XYLT1: variants seen among roughly 807,000 people sequenced by gnomAD.
XYLT1 encodes beta-D-xylosyltransferase 1.
XYLT1 carries 36 observed loss-of-function variants against 91.3 expected under a neutral mutation model. The observed-to-expected ratio is 0.39, with a 90% CI of 0.30 to 0.52. The LOEUF (loss-of-function observed/expected upper bound fraction) is 0.52. Ranked by LOEUF, XYLT1 falls within the 20% of genes least tolerant of loss-of-function variation. The pLI, the probability that XYLT1 is intolerant of heterozygous loss-of-function variation, is 0.68. For missense variants in XYLT1, 1,242 were observed against 1,284.5 expected (o/e 0.97, Z 0.51); for synonymous variants, 588 against 532.0 (o/e 1.11, Z -1.45).
chr16:17,215,226 G>A (rs1299621518), intron 3 of XYLT1, among the ~76,000 whole-genome samples: 2 of 152,144 alleles, frequency 1.3e-5, no homozygotes, highest in Non-Finnish European at 1.5e-5. Context: ...CATGGTGGTA[G>A]GCACCTGTAA....
chr16:17,308,853 T>C (rs962290351), intron 2 of XYLT1, among the ~76,000 whole-genome samples: 2 of 152,166 alleles, frequency 1.3e-5, no homozygotes, highest in Non-Finnish European at 2.9e-5. Flanking sequence ...TCTCCTCTAA[T>C]TGTCATGAGG....
chr16:17,395,676 C>A (rs895366751), intron 1 of XYLT1, among the ~76,000 whole-genome samples: 3 of 152,190 alleles, frequency 2.0e-5, no homozygotes, highest in Non-Finnish European at 4.4e-5. Context: ...TAAACTGAAG[C>A]CAAACTTCTA....
intron 3 of XYLT1, among the ~76,000 whole-genome samples, chr16:17,257,301 G>A (rs2033648577): frequency 6.6e-6 from 1 of 152,128 alleles, no homozygotes; most frequent in Non-Finnish European, 1.5e-5. Context: ...TAGGCCCTGA[G>A]AGCAGAAAGG....
intron 1 of XYLT1, among the ~76,000 whole-genome samples, chr16:17,455,048 A>G (rs2036722485): frequency 6.6e-6 from 1 of 151,910 alleles, no homozygotes; most frequent in African/African-American, 2.4e-5. Flanking sequence ...CCCAGACGCA[A>G]TGTTAACCAA....
intron 1 of XYLT1, among the ~76,000 whole-genome samples, chr16:17,405,203 G>C (rs1034576443): frequency 7.2e-5 from 11 of 152,192 alleles, no homozygotes; most frequent in Non-Finnish European, 1.5e-4. Context: ...TCTGCCCCAG[G>C]CAGCAGCACA....
At chr16:17,237,153 G>A (rs1567335969) in intron 3 of XYLT1, among the ~76,000 whole-genome samples, 1 of 152,300 alleles carries the variant, frequency 6.6e-6, no homozygotes, top group South Asian at 2.1e-4. Flanking sequence ...AATATACGAA[G>A]TTTGGTGCTT....
chr16:17,161,750 A>G (rs1252067137), intron 5 of XYLT1, among the ~76,000 whole-genome samples: 3 of 151,124 alleles, frequency 2.0e-5, no homozygotes, highest in South Asian at 2.1e-4. Flanking sequence ...TCATTTGCCA[A>G]ATGGTTCCCA....
chr16:17,125,074 T>C (rs982933236), intron 10 of XYLT1, among the ~76,000 whole-genome samples: 5 of 152,358 alleles, frequency 3.3e-5, no homozygotes, highest in Non-Finnish European at 5.9e-5. Context: ...ACTTCTTAAT[T>C]GTTTTTCTGG....
intron 1 of XYLT1, among the ~76,000 whole-genome samples, chr16:17,428,354 G>A (rs546416647): frequency 3.9e-5 from 6 of 152,276 alleles, no homozygotes; most frequent in Non-Finnish European, 7.4e-5. Context: ...TCTGGCGGCA[G>A]AGCTTACACC....
At chr16:17,384,288 G>A (rs931681167) in intron 1 of XYLT1, among the ~76,000 whole-genome samples, 2 of 151,634 alleles carry the variant, frequency 1.3e-5, no homozygotes, top group Non-Finnish European at 2.9e-5. Flanking sequence ...TAAGTAGGTG[G>A]TTTTGCCAAT....
intron 5 of XYLT1, among the ~76,000 whole-genome samples, chr16:17,186,102 TTTTTTA>T (rs1447246364): frequency 6.6e-6 from 1 of 152,168 alleles, no homozygotes; most frequent in African/African-American, 2.4e-5. Flanking sequence ...TCTAGATTTC[TTTTTTA>T]TTTTTATTTT....
chr16:17,185,300 A>G (rs2032159826), intron 5 of XYLT1, among the ~76,000 whole-genome samples: 1 of 152,272 alleles, frequency 6.6e-6, no homozygotes. Context: ...TGTTAACGGC[A>G]TAATTACTGG....
intron 2 of XYLT1, among the ~76,000 whole-genome samples, chr16:17,299,745 T>C (rs1481369668): frequency 1.3e-5 from 2 of 152,164 alleles, no homozygotes; most frequent in African/African-American, 4.8e-5. Context: ...ATAGCTCTTA[T>C]ATAATGAAGG....
chr16:17,115,446 T>C (rs1450893684), intron 11 of XYLT1, among the ~76,000 whole-genome samples: 2 of 150,682 alleles, frequency 1.3e-5, no homozygotes, highest in African/African-American at 2.4e-5. Context: ...ATTGCATGAC[T>C]GCACTCCAGC....
intron 1 of XYLT1, among the ~76,000 whole-genome samples, chr16:17,463,006 G>A (rs776052184): frequency 4.6e-5 from 7 of 152,034 alleles, no homozygotes; most frequent in Non-Finnish European, 7.4e-5. Flanking sequence ...TGGAAAAACG[G>A]GATAGCCATT....
At chr16:17,185,828 T>C (rs1291836045) in intron 5 of XYLT1, among the ~76,000 whole-genome samples, 1 of 152,068 alleles carries the variant, frequency 6.6e-6, no homozygotes, top group African/African-American at 2.4e-5. Context: ...AGGTGAAACC[T>C]TGTCTCTACT....
intron 1 of XYLT1, among the ~76,000 whole-genome samples, chr16:17,390,856 C>T (rs1366824376): frequency 1.3e-5 from 2 of 151,972 alleles, no homozygotes; most frequent in African/African-American, 2.4e-5. Context: ...GGCAACATGA[C>T]GAAACTCCCG....
intron 3 of XYLT1, among the ~76,000 whole-genome samples, chr16:17,246,640 G>C (rs1261983302): frequency 1.3e-5 from 2 of 152,136 alleles, no homozygotes; most frequent in African/African-American, 4.8e-5. Flanking sequence ...CCCTTCTCCA[G>C]GGCTGTGCAG....
In XYLT1 at chr16:17,178,713, C is replaced by T. The variant is rs147167302; in HGVS notation, c.1289+19499G>A. Among the ~76,000 whole-genome samples the T allele has an allele frequency of 7.5e-3, 1,139 of 152,280 alleles. 12 individuals are homozygous for T. Among genetic ancestry groups the T allele is most frequent in the Non-Finnish European group, 0.01 (696 of 68,036 alleles). ...CCTTAGTATTACAACAGCAGAGTTT[C>T]GTCATCCTGAGAGACATATATGTAC... On this transcript the variant is annotated intron_variant, in intron 5 of 11. Coordinates refer to ENST00000261381, the MANE Select transcript of XYLT1 (RefSeq NM_022166.4).
Sources: gnomAD v4.1 joint callset for allele counts (sites outside exome capture counted in the v4.1 genomes callset) on GRCh38, gnomAD v4.1.1 for gene constraint, MANE v1.5 for transcripts, NCBI Gene and HGNC (gene_info 2026-07-23, HGNC 2026-07-21) for gene names.